ENOX1: variants seen among roughly 807,000 people sequenced by gnomAD.
ENOX1 encodes the protein ecto-NOX disulfide-thiol exchanger 1.
Under a neutral mutation model 82.5 loss-of-function variants are expected in ENOX1, and 42 were observed. That is an observed-to-expected ratio of 0.51 (90% CI 0.40 to 0.66). ENOX1 has a LOEUF of 0.66. Ranked by LOEUF, ENOX1 falls within the 30% of genes least tolerant of loss-of-function variation. The pLI is 0.00. For synonymous variants in ENOX1, 271 were observed against 282.2 expected, an observed-to-expected ratio of 0.96 and a Z score of 0.40; for missense variants, 608 against 811.6, an observed-to-expected ratio of 0.75 and a Z score of 3.05.
intron 2 of ENOX1, among the ~76,000 whole-genome samples, chr13:43,646,157 A>G (rs1420290472): frequency 6.6e-6 from 1 of 152,214 alleles, no homozygotes; most frequent in Admixed American, 6.5e-5. Context: ...CTCAAGCTCT[A>G]CAAGATGAGA....
intron 2 of ENOX1, among the ~76,000 whole-genome samples, chr13:43,561,167 T>C (rs1436150538): frequency 7.3e-6 from 1 of 136,492 alleles, no homozygotes; most frequent in Non-Finnish European, 1.6e-5. Flanking sequence ...AGATTTTATA[T>C]TTTAGGGTTT....
At chr13:43,593,665 T>A (rs9567226) in intron 2 of ENOX1, among the ~76,000 whole-genome samples, 2 of 92,140 alleles carry the variant, frequency 2.2e-5, no homozygotes, top group African/African-American at 4.7e-5. Flanking sequence ...CCACCCAATC[T>A]CTGTACACAC....
At chr13:43,545,815 G>A (rs1010350907) in intron 2 of ENOX1, 1 of 152,224 alleles carries the variant, frequency 6.6e-6, no homozygotes, top group Non-Finnish European at 1.5e-5. Flanking sequence ...AATAGTATAT[G>A]TCTAGTTGTT....
intron 1 of ENOX1, among the ~76,000 whole-genome samples, chr13:43,708,169 T>C (rs1198918074): frequency 1.3e-5 from 2 of 152,198 alleles, no homozygotes; most frequent in African/African-American, 2.4e-5. Flanking sequence ...GTTTAACTGG[T>C]ATATGACCTT....
At chr13:43,758,031 T>C (rs938623442) in intron 1 of ENOX1, among the ~76,000 whole-genome samples, 6 of 152,096 alleles carry the variant, frequency 3.9e-5, no homozygotes, top group Non-Finnish European at 7.4e-5. Flanking sequence ...GGTCAGGAGT[T>C]CCAGACCAGC....
In ENOX1 at chr13:43,296,940, C is replaced by T. The variant is rs568656343; in HGVS notation, c.1446+1406G>A. 3.3e-5 allele frequency among the ~76,000 whole-genome samples: 5 copies of T among 152,240 alleles called. No individual in the cohort carries two copies. The South Asian group carries it at 8.3e-4, about 25-fold the overall frequency. ...TCTTGGCGAGGGTGCCAACAAACAC[C>T]CAATGTTGGGGCACATGGACAACCC... On this transcript the variant is annotated intron_variant, in intron 12 of 16. Coordinates refer to ENST00000690772, the MANE Select transcript of ENOX1 (RefSeq NM_001347969.2).
intron 2 of ENOX1, among the ~76,000 whole-genome samples, chr13:43,571,650 A>C (rs1308761133): frequency 6.6e-6 from 1 of 152,226 alleles, no homozygotes; most frequent in East Asian, 1.9e-4. Flanking sequence ...AGATTGTGCC[A>C]GTGCACTCCA....
chr13:43,490,123 G>A (rs1212029240), intron 2 of ENOX1, among the ~76,000 whole-genome samples: 7 of 151,974 alleles, frequency 4.6e-5, no homozygotes, highest in Admixed American at 4.6e-4. Flanking sequence ...TCTATTTTTG[G>A]TAGAGACAGG....
At chr13:43,615,596 T>C (rs575240529) in intron 2 of ENOX1, among the ~76,000 whole-genome samples, 39 of 152,286 alleles carry the variant, frequency 2.6e-4, no homozygotes, top group Non-Finnish European at 5.1e-4. Flanking sequence ...AAGTTTATTA[T>C]TATTATTATA....
At chr13:43,342,614 G>T (rs1231848284) in intron 9 of ENOX1, among the ~76,000 whole-genome samples, 1 of 152,152 alleles carries the variant, frequency 6.6e-6, no homozygotes, top group African/African-American at 2.4e-5. Context: ...GGGAGTGCCT[G>T]TTCTGCTCAC....
intron 2 of ENOX1, among the ~76,000 whole-genome samples, chr13:43,520,265 C>T (rs1217436138): frequency 1.3e-5 from 2 of 152,040 alleles, no homozygotes; most frequent in Non-Finnish European, 2.9e-5. Context: ...AGAAGCAAGC[C>T]CTTGAGCCCC....
intron 2 of ENOX1, among the ~76,000 whole-genome samples, chr13:43,540,416 C>A (rs147146279): frequency 3.3e-5 from 5 of 151,714 alleles, no homozygotes; most frequent in African/African-American, 1.2e-4. Flanking sequence ...TGCAGGCTCT[C>A]GAATGCAGTT....
chr13:43,333,875 G>A (rs895465551), intron 9 of ENOX1, among the ~76,000 whole-genome samples: 2 of 152,204 alleles, frequency 1.3e-5, no homozygotes, highest in African/African-American at 2.4e-5. Flanking sequence ...CACCCGCCTC[G>A]GCCTCGCAAA....
intron 12 of ENOX1, among the ~76,000 whole-genome samples, chr13:43,278,313 A>AT (rs974009589): frequency 1.1e-4 from 17 of 152,156 alleles, no homozygotes; most frequent in African/African-American, 4.1e-4. Context: ...AGCTGCACAC[A>AT]TTTGTTCTGA....
intron 2 of ENOX1, among the ~76,000 whole-genome samples, chr13:43,664,115 T>G (rs2084863517): frequency 1.3e-5 from 2 of 152,158 alleles, no homozygotes. Flanking sequence ...AATATAATAA[T>G]TACATTCTAA....
intron 5 of ENOX1, among the ~76,000 whole-genome samples, chr13:43,372,732 T>C (rs1431818338): frequency 3.3e-5 from 5 of 152,170 alleles, no homozygotes; most frequent in Non-Finnish European, 7.3e-5. Context: ...TTCACTTCTA[T>C]ATTATGGTGA....
At chr13:43,667,129 A>G (rs920852778) in intron 2 of ENOX1, among the ~76,000 whole-genome samples, 4 of 152,250 alleles carry the variant, frequency 2.6e-5, no homozygotes, top group Admixed American at 1.3e-4. Flanking sequence ...GAAGTCTTCA[A>G]TATTCATGTA....
At position 43,411,795 on chromosome 13, in the gene ENOX1, T is replaced by C. The variant is rs533038713; in HGVS notation, c.208+121A>G. 2.7e-5 allele frequency: 34 copies of C among 1,268,548 alleles called. No individual in the cohort carries two copies. The African/African-American group carries it at 2.8e-4, about 11-fold the overall frequency. 78.6% of individuals were successfully genotyped at this position (1,268,548 alleles called of 1,614,324 possible). A position where few individuals can be genotyped will look rare whatever the true frequency, so the allele number is the denominator to read the frequency against. ...AATCTCAAGTACAACTTGCCAAACA[T>C]GCCCCAGTCATAAATAAAAGACTGT... On this transcript the variant is annotated intron_variant, in intron 5 of 16. Coordinates refer to ENST00000690772, the MANE Select transcript of ENOX1 (RefSeq NM_001347969.2).
At chr13:43,264,941 G>C (rs1325775978) in intron 14 of ENOX1, among the ~76,000 whole-genome samples, 1 of 152,222 alleles carries the variant, frequency 6.6e-6, no homozygotes, top group African/African-American at 2.4e-5. Context: ...GTGAGGAACA[G>C]AGAAGGAGTA....
Sources: allele counts gnomAD v4.1 joint callset (sites outside exome capture counted in the v4.1 genomes callset), GRCh38; gene constraint gnomAD v4.1.1; transcripts MANE v1.5; gene names NCBI Gene and HGNC (gene_info 2026-07-23, HGNC 2026-07-21).